Variants in GABBR2 observed in about 807,000 individuals in gnomAD.
GABBR2 encodes the protein gamma-aminobutyric acid type B receptor subunit 2.
GABBR2 carries 23 observed loss-of-function variants against 105.6 expected under a neutral mutation model. The ratio of observed to expected loss-of-function variants is 0.22; its 90% CI spans 0.16 to 0.31. The LOEUF (loss-of-function observed/expected upper bound fraction) is 0.31, where lower values mean the gene tolerates loss of function less well. Ranked by LOEUF, GABBR2 falls within the 10% of genes least tolerant of loss-of-function variation. The pLI is 1.00. For synonymous variants in GABBR2, 478 were observed against 499.7 expected, an observed-to-expected ratio of 0.96 and a Z score of 0.58; for missense variants, 734 against 1,245.5, an observed-to-expected ratio of 0.59 and a Z score of 6.18.
chr9:98,576,343 G>A (rs1176079843), intron 2 of GABBR2, among the ~76,000 whole-genome samples: 4 of 152,132 alleles, frequency 2.6e-5, no homozygotes, highest in Non-Finnish European at 2.9e-5. Context: ...GCCTTCCTCC[G>A]TTTACTATTC....
intron 11 of GABBR2, among the ~76,000 whole-genome samples, chr9:98,379,127 C>T (rs1345137030): frequency 1.3e-5 from 2 of 152,206 alleles, no homozygotes; most frequent in African/African-American, 2.4e-5. Context: ...GTGGCAGAGG[C>T]AACCACCAGC....
At chr9:98,503,705 G>A (rs911647454) in intron 3 of GABBR2, among the ~76,000 whole-genome samples, 1 of 152,186 alleles carries the variant, frequency 6.6e-6, no homozygotes, top group South Asian at 2.1e-4. Flanking sequence ...GTCCCCCACA[G>A]TTTCCATGGT....
At chr9:98,466,290 A>G (rs946037320) in intron 6 of GABBR2, among the ~76,000 whole-genome samples, 1 of 152,266 alleles carries the variant, frequency 6.6e-6, no homozygotes, top group Non-Finnish European at 1.5e-5. Flanking sequence ...GTTCAAAAGC[A>G]GGCATCTGAA....
chr9:98,699,906 C>T (rs1350295554), intron 1 of GABBR2, among the ~76,000 whole-genome samples: 1 of 152,210 alleles, frequency 6.6e-6, no homozygotes, highest in African/African-American at 2.4e-5. Flanking sequence ...AATGCAGCTG[C>T]TTACTGGGCA....
chr9:98,583,166 G>A (rs928881318), intron 1 of GABBR2, among the ~76,000 whole-genome samples: 2 of 152,160 alleles, frequency 1.3e-5, no homozygotes, highest in African/African-American at 4.8e-5. Context: ...TCCCCTAAAG[G>A]GAGCAACTTT....
chr9:98,707,928 A>G (rs1403190045), intron 1 of GABBR2, among the ~76,000 whole-genome samples: 1 of 152,114 alleles, frequency 6.6e-6, no homozygotes. Context: ...TGGGTTCCGG[A>G]GCCTTCCGGA....
intron 1 of GABBR2, among the ~76,000 whole-genome samples, chr9:98,630,923 G>A (rs572238665): frequency 3.9e-5 from 6 of 152,162 alleles, no homozygotes; most frequent in East Asian, 1.9e-4. Context: ...CAGTTCCTTC[G>A]TTATTACACT....
At chr9:98,481,839 T>C (rs544491124) in intron 4 of GABBR2, among the ~76,000 whole-genome samples, 1 of 152,332 alleles carries the variant, frequency 6.6e-6, no homozygotes, top group African/African-American at 2.4e-5. Context: ...TATCTCAGTG[T>C]GGTTAATAGG....
chr9:98,446,932 C>T (rs1457009598), intron 7 of GABBR2, among the ~76,000 whole-genome samples: 1 of 152,140 alleles, frequency 6.6e-6, no homozygotes. Flanking sequence ...GATAGAGTCA[C>T]AACTGGAAGA....
At position 98,310,950 on chromosome 9, in the gene GABBR2, A is replaced by G. The variant is rs983760702; in HGVS notation, c.2004+145T>C. 3 of 580,950 alleles carry G rather than the reference A, an allele frequency of 5.2e-6. No homozygotes were observed. In the African/African-American group the frequency reaches 5.6e-5, roughly 11 times the overall value. 36.0% of individuals were successfully genotyped at this position (580,950 alleles called of 1,614,324 possible). ...ATAGGGTTGCTGCAGGAACTGAGATAGCATGTGGCAGGCACTGAGTCCACA... is the reference window on the plus strand; with the variant it reads ...ATAGGGTTGCTGCAGGAACTGAGATGGCATGTGGCAGGCACTGAGTCCACA... On this transcript the variant is annotated intron_variant, in intron 14 of 18. Coordinates refer to ENST00000259455, the MANE Select transcript of GABBR2 (RefSeq NM_005458.8).
intron 3 of GABBR2, chr9:98,515,872 C>T (rs1827748145): frequency 6.6e-6 from 1 of 152,332 alleles, no homozygotes; most frequent in South Asian, 2.1e-4. Flanking sequence ...TTGCCCAAAG[C>T]CTTACAAGTA....
intron 1 of GABBR2, among the ~76,000 whole-genome samples, chr9:98,664,577 A>G (rs1830308767): frequency 6.6e-6 from 1 of 152,208 alleles, no homozygotes; most frequent in Non-Finnish European, 1.5e-5. Context: ...GTTCAGTGCT[A>G]TGTTAATCCT....
At chr9:98,532,967 T>C (rs1828097424) in intron 3 of GABBR2, among the ~76,000 whole-genome samples, 2 of 152,162 alleles carry the variant, frequency 1.3e-5, no homozygotes, top group South Asian at 2.1e-4. Flanking sequence ...TTCCTGGGGA[T>C]TGTTGATGCC....
intron 13 of GABBR2, among the ~76,000 whole-genome samples, chr9:98,320,865 T>G (rs1830808753): frequency 6.7e-6 from 1 of 150,060 alleles, no homozygotes; most frequent in African/African-American, 2.5e-5. Context: ...CATTGGGAGA[T>G]ATACTTAATA....
chr9:98,665,967 C>G (rs1830327994), intron 1 of GABBR2, among the ~76,000 whole-genome samples: 1 of 152,204 alleles, frequency 6.6e-6, no homozygotes, highest in Admixed American at 6.5e-5. Context: ...CCCAAAGAGC[C>G]TTAGCCAGCA....
chr9:98,648,460 C>T (rs1418187955), intron 1 of GABBR2, among the ~76,000 whole-genome samples: 1 of 152,094 alleles, frequency 6.6e-6, no homozygotes, highest in African/African-American at 2.4e-5. Flanking sequence ...TACCACCCAA[C>T]GGCATTTAAA....
intron 3 of GABBR2, among the ~76,000 whole-genome samples, chr9:98,527,996 C>T (rs866883204): frequency 8.5e-5 from 13 of 152,188 alleles, no homozygotes; most frequent in South Asian, 8.3e-4. Context: ...GATTATCAAG[C>T]GCTTGAAATC....
intron 7 of GABBR2, among the ~76,000 whole-genome samples, chr9:98,452,828 A>G (rs769810128): frequency 2.6e-5 from 4 of 152,228 alleles, no homozygotes; most frequent in African/African-American, 7.2e-5. Context: ...TGTATTATGT[A>G]ATGTGTAATC....
intron 2 of GABBR2, among the ~76,000 whole-genome samples, chr9:98,561,762 T>C (rs532867698): frequency 1.3e-5 from 2 of 152,290 alleles, no homozygotes; most frequent in East Asian, 3.9e-4. Context: ...CATGTGCCTA[T>C]AATCCCAGCT....
Sources: gnomAD v4.1 joint callset for allele counts (sites outside exome capture counted in the v4.1 genomes callset) on GRCh38, gnomAD v4.1.1 for gene constraint, MANE v1.5 for transcripts, NCBI Gene and HGNC (gene_info 2026-07-23, HGNC 2026-07-21) for gene names.